CSMD3: variants seen among roughly 807,000 people sequenced by gnomAD.
CSMD3 encodes the protein CUB and sushi domain-containing protein 3.
Under a neutral mutation model 435.2 loss-of-function variants are expected in CSMD3, and 177 were observed. The observed-to-expected ratio is 0.41, with a 90% CI of 0.36 to 0.46. The LOEUF is 0.46. CSMD3 is among the 20% of genes least tolerant of loss of function. The probability of loss-of-function intolerance (pLI) is 0.34; values close to 1 mark genes in which losing one functional copy is unlikely to be tolerated. For synonymous variants in CSMD3, 1,656 were observed against 1,520.5 expected (o/e 1.09, Z -2.07); for missense variants, 4,265 against 4,504.6 (o/e 0.95, Z 1.52).
At chr8:113,145,140 T>A (rs1342889860) in intron 4 of CSMD3, among the ~76,000 whole-genome samples, 1 of 151,380 alleles carries the variant, frequency 6.6e-6, no homozygotes, top group Non-Finnish European at 1.5e-5. Flanking sequence ...GGTGGGGTGC[T>A]TGGAATGGAG....
chr8:113,034,067 C>G (rs938723428), intron 5 of CSMD3, among the ~76,000 whole-genome samples: 1 of 151,558 alleles, frequency 6.6e-6, no homozygotes, highest in Non-Finnish European at 1.5e-5. Flanking sequence ...CCCTCACATC[C>G]ATGCAGAACT....
chr8:112,354,700 T>A (rs1183710217), intron 38 of CSMD3, among the ~76,000 whole-genome samples: 4 of 152,118 alleles, frequency 2.6e-5, no homozygotes, highest in Admixed American at 2.0e-4. Flanking sequence ...AAATCATAGA[T>A]GACAAAAACA....
chr8:113,130,845 AG>A (rs905180913), intron 4 of CSMD3, among the ~76,000 whole-genome samples: 2 of 152,126 alleles, frequency 1.3e-5, no homozygotes, highest in Admixed American at 6.5e-5. Context: ...GTCCAGGCTG[AG>A]GTGGTCTCAG....
chr8:113,368,515 AAT>A (rs1390858146), intron 1 of CSMD3, among the ~76,000 whole-genome samples: 3 of 152,128 alleles, frequency 2.0e-5, no homozygotes, highest in African/African-American at 4.8e-5. Context: ...AATATGGATA[AAT>A]ATGTTTCTTT....
rs142926589 is a variant in CSMD3 at position 113,189,873 on chromosome 8, G to T, written c.515-15957C>A. 2.2e-4 allele frequency among the ~76,000 whole-genome samples: 33 copies of T among 151,746 alleles called. No homozygotes were observed. The East Asian group carries it at 6.4e-3, about 30-fold the overall frequency. ...TTTTTGCAATCATGTTTTGTTTTCT[G>T]GGATAATATAGTTTGGAAATATTTT... On this transcript the variant is annotated intron_variant, in intron 3 of 70. Coordinates refer to ENST00000297405, the MANE Select transcript of CSMD3 (RefSeq NM_198123.2).
At chr8:113,158,490 T>C (rs1352855718) in intron 4 of CSMD3, among the ~76,000 whole-genome samples, 1 of 152,114 alleles carries the variant, frequency 6.6e-6, no homozygotes, top group Non-Finnish European at 1.5e-5. Context: ...TTGAATTGAC[T>C]CTGTCAAAGT....
intron 2 of CSMD3, among the ~76,000 whole-genome samples, chr8:113,280,455 G>T (rs897237813): frequency 1.3e-5 from 2 of 151,908 alleles, no homozygotes; most frequent in African/African-American, 4.8e-5. Context: ...GTGCGTAGAG[G>T]TGTTCACAGT....
chr8:113,329,926 T>C (rs2094014531), intron 1 of CSMD3, among the ~76,000 whole-genome samples: 1 of 152,032 alleles, frequency 6.6e-6, no homozygotes, highest in South Asian at 2.1e-4. Flanking sequence ...TGAACTGTCT[T>C]ACAAGAAAAA....
chr8:112,329,171 T>G (rs1225848375), intron 45 of CSMD3, among the ~76,000 whole-genome samples: 2 of 152,154 alleles, frequency 1.3e-5, no homozygotes, highest in Non-Finnish European at 2.9e-5. Context: ...AGACCTCTTC[T>G]CTACATTGTT....
At chr8:113,057,530 A>C (rs1342781016) in intron 5 of CSMD3, among the ~76,000 whole-genome samples, 1 of 152,096 alleles carries the variant, frequency 6.6e-6, no homozygotes, top group Non-Finnish European at 1.5e-5. Flanking sequence ...AGAACAACTC[A>C]TAATAAATAT....
At chr8:113,284,672 T>C (rs983283121) in intron 2 of CSMD3, among the ~76,000 whole-genome samples, 22 of 152,306 alleles carry the variant, frequency 1.4e-4, no homozygotes, top group African/African-American at 5.1e-4. Flanking sequence ...TCACTTGGAC[T>C]TAACATGTTT....
rs566415341 is a variant in CSMD3 at position 112,800,514 on chromosome 8, C to A, written c.1860-240G>T. Among the ~76,000 whole-genome samples, 6 of 152,034 alleles carry A rather than the reference C, an allele frequency of 3.9e-5. No individual in the cohort carries two copies. In the South Asian group the frequency reaches 1.0e-3, roughly 26 times the overall value. ...ATCTTTCATGTTCCTGAGGCAAGGT[C>A]ATGATATTTTAGACCATCAAAAACT... On this transcript the variant is annotated intron_variant, in intron 12 of 70. Coordinates refer to ENST00000297405, the MANE Select transcript of CSMD3 (RefSeq NM_198123.2).
At chr8:112,621,278 T>G (rs1054751175) in intron 22 of CSMD3, among the ~76,000 whole-genome samples, 1 of 151,970 alleles carries the variant, frequency 6.6e-6, no homozygotes, top group Admixed American at 6.6e-5. Flanking sequence ...AAAATATATA[T>G]GGCAAAATAT....
intron 4 of CSMD3, among the ~76,000 whole-genome samples, chr8:113,163,879 G>C (rs541742250): frequency 6.6e-6 from 1 of 151,990 alleles, no homozygotes; most frequent in Admixed American, 6.6e-5. Flanking sequence ...TCAGTAAAAA[G>C]AGGTAATACA....
chr8:113,224,223 C>G (rs62519849), intron 3 of CSMD3, among the ~76,000 whole-genome samples: 2 of 151,184 alleles, frequency 1.3e-5, no homozygotes, highest in Non-Finnish European at 3.0e-5. Context: ...ACATTTTAAT[C>G]TAACTTTGGG....
chr8:113,067,331 TTC>T (rs2088903238), intron 5 of CSMD3, among the ~76,000 whole-genome samples: 1 of 152,128 alleles, frequency 6.6e-6, no homozygotes, highest in Non-Finnish European at 1.5e-5. Context: ...CATTACAAAC[TTC>T]TTAGACATAT....
chr8:112,352,354 G>A, intron 39 of CSMD3, 62 bp downstream of exon 39: 1 of 1,606,392 alleles, frequency 6.2e-7, no homozygotes, highest in Non-Finnish European at 8.5e-7. Flanking sequence ...ATCAATCATT[G>A]ATTTGTAAAA....
rs979731747 is a variant in CSMD3 at position 112,255,114 on chromosome 8, A to G, written c.10036+140T>C. 1.4e-5 allele frequency: 9 copies of G among 637,800 alleles called. No individual in the cohort carries two copies. In the Admixed American group the frequency reaches 2.4e-4, roughly 17 times the overall value. 39.5% of individuals were successfully genotyped at this position (637,800 alleles called of 1,614,324 possible). ...GTATTTTCTACCAATATTCATTTCC[A>G]GTGCCTTCTAATTGCTTCTATATTT... On this transcript the variant is annotated intron_variant, in intron 62 of 70. Coordinates refer to ENST00000297405, the MANE Select transcript of CSMD3 (RefSeq NM_198123.2).
intron 3 of CSMD3, among the ~76,000 whole-genome samples, chr8:113,209,200 A>G (rs1219189246): frequency 6.6e-6 from 1 of 152,176 alleles, no homozygotes; most frequent in East Asian, 1.9e-4. Context: ...CTCTTTTCAT[A>G]AAAATGTGTC....
Sources: gnomAD v4.1 joint callset for allele counts (sites outside exome capture counted in the v4.1 genomes callset) on GRCh38, gnomAD v4.1.1 for gene constraint, MANE v1.5 for transcripts, NCBI Gene and HGNC (gene_info 2026-07-23, HGNC 2026-07-21) for gene names.